The following TEX14 variants were observed in gnomAD, a reference collection of about 807,000 sequenced individuals.
TEX14 encodes the protein testis expressed 14, intercellular bridge forming factor, also known as inactive serine/threonine-protein kinase TEX14.
In TEX14, 168 loss-of-function variants were observed where a neutral mutation model predicts 178.6. The ratio of observed to expected loss-of-function variants is 0.94; its 90% CI spans 0.83 to 1.07. TEX14 has a LOEUF of 1.07. TEX14 is among the 50% of genes least tolerant of loss of function. The probability of loss-of-function intolerance (pLI) is 0.00; values close to 1 mark genes in which losing one functional copy is unlikely to be tolerated. For missense variants in TEX14, 1,730 were observed against 1,753.6 expected, an observed-to-expected ratio of 0.99 and a Z score of 0.24; for synonymous variants, 626 against 634.1, an observed-to-expected ratio of 0.99 and a Z score of 0.19.
At chr17:58,642,116 A>C (rs1241649920) in intron 2 of TEX14, among the ~76,000 whole-genome samples, 1 of 152,216 alleles carries the variant, frequency 6.6e-6, no homozygotes, top group African/African-American at 2.4e-5. Context: ...GAGGAAGCCT[A>C]CCCATTTACT....
intron 13 of TEX14, 62 bp from the exon 14 acceptor site, chr17:58,599,728 C>A: frequency 7.3e-7 from 1 of 1,372,466 alleles, no homozygotes; most frequent in Non-Finnish European, 1.0e-6. Context: ...GCTAAGCAGC[C>A]TTGGCTTGTT....
At position 58,643,874 on chromosome 17, in the gene TEX14, C is replaced by CAAAAAAAAAA. The variant is rs71143262; in HGVS notation, c.136+7982_136+7991dup. On this transcript the variant is annotated intron_variant, in intron 2 of 31. Coordinates refer to ENST00000349033, the MANE Select transcript of TEX14 (RefSeq NM_031272.5). ...TGGGCAACAGAGCAAGACTCTGTCT[C>CAAAAAAAAAA]AAAAAAAAAAAAAAAAAAAAAAAAA... Among the ~76,000 whole-genome samples the CAAAAAAAAAA allele has an allele frequency of 4.4e-4, 9 of 20,536 alleles. 1 individual carries two copies. Among genetic ancestry groups the CAAAAAAAAAA allele is most frequent in the African/African-American group, 1.2e-3 (6 of 5,122 alleles). The allele number at this position is 20,536 out of a possible 152,430, so 13.5% of individuals were successfully genotyped here. A position where few individuals can be genotyped will look rare whatever the true frequency, so the allele number is the denominator to read the frequency against.
chr17:58,577,658 G>T (rs2144383888), intron 20 of TEX14, among the ~76,000 whole-genome samples: 1 of 152,214 alleles, frequency 6.6e-6, no homozygotes, highest in African/African-American at 2.4e-5. Flanking sequence ...TATTTTCCTT[G>T]CTCAGAGCAC....
At chr17:58,663,323 GA>G (rs2047150784) in intron 1 of TEX14, among the ~76,000 whole-genome samples, 2 of 150,562 alleles carry the variant, frequency 1.3e-5, no homozygotes, top group African/African-American at 4.9e-5. Flanking sequence ...TTGGGAGGCT[GA>G]GGCAGGAGAA....
At chr17:58,677,952 C>A (rs2047421534) in intron 1 of TEX14, among the ~76,000 whole-genome samples, 1 of 152,224 alleles carries the variant, frequency 6.6e-6, no homozygotes, top group Non-Finnish European at 1.5e-5. Flanking sequence ...GAGTTCAAGA[C>A]CAGCCTGGCC....
chr17:58,644,730 C>T (rs148591897), intron 2 of TEX14, among the ~76,000 whole-genome samples: 4 of 149,800 alleles, frequency 2.7e-5, no homozygotes, highest in Non-Finnish European at 3.0e-5. Context: ...CAACCTCCGC[C>T]CCCCCTGGTT....
chr17:58,586,803 G>T lies in TEX14; in HGVS notation c.2789-721C>A, dbSNP rs80266322. Reference sequence around the variant, plus strand: ...TGTGTGGCACTTGCATGTTCTCCCCGCATCTGCATGGGTTTTTTCCAGGTA... The same window carrying T: ...TGTGTGGCACTTGCATGTTCTCCCCTCATCTGCATGGGTTTTTTCCAGGTA... On this transcript the variant is annotated intron_variant, in intron 17 of 31. Transcript: ENST00000349033. Among the ~76,000 whole-genome samples the T allele has an allele frequency of 6.4e-3, 973 of 151,404 alleles. 6 individuals are homozygous for T. Among genetic ancestry groups the T allele is most frequent in the African/African-American group, 0.022 (911 of 41,258 alleles).
rs570578593 is a variant in TEX14, at chr17:58,616,341, AG to A, written c.637-37del. ...GGCATAGCCTCAAATTATGGGGAGA[AG>A]GGGGGAAAAGCAGAATACATCCAGA... On this transcript the variant is annotated intron_variant, in intron 6 of 31. Transcript: ENST00000349033. The A allele has an allele frequency of 1.6e-5, 25 of 1,601,882 alleles. No homozygotes were observed. In the African/African-American group the frequency reaches 2.4e-4, roughly 15 times the overall value.
intron 2 of TEX14, among the ~76,000 whole-genome samples, chr17:58,641,719 C>T (rs114784721): frequency 0.024 from 3,590 of 152,152 alleles, 141 homozygotes; most frequent in African/African-American, 0.081. Context: ...GTTGGCCAAC[C>T]TGGTCTCTAT....
chr17:58,625,336 T>G (rs969012033), intron 3 of TEX14, among the ~76,000 whole-genome samples: 2 of 152,154 alleles, frequency 1.3e-5, no homozygotes, highest in African/African-American at 4.8e-5. Flanking sequence ...AGTTTCATCA[T>G]GTTGGCCAGG....
At chr17:58,630,627 G>T (rs879050861) in intron 2 of TEX14, 73 bp from the exon 3 acceptor site, 5 of 995,560 alleles carry the variant, frequency 5.0e-6, no homozygotes, top group Middle Eastern at 4.1e-4. Context: ...GGGGGTGGGG[G>T]AATTACATAT....
rs541044627 is a variant in TEX14 at position 58,572,058 on chromosome 17, C to G, written c.3580G>C (p.Glu1194Gln). The G allele has an allele frequency of 1.9e-6, 3 of 1,614,156 alleles. No homozygotes were observed. In the South Asian group the frequency reaches 3.3e-5, roughly 18 times the overall value. Residue 1194 changes from glutamate (E) to glutamine (Q), a missense_variant, in exon 24 of 32, where the codon GAG (glutamate) becomes CAG (glutamine). Transcript: ENST00000349033. ...LESITFQVKTEFASCWNSQEF... is the reference protein window; with the variant it reads ...LESITFQVKTQFASCWNSQEF... ...TGACTGTTCCAGCAAGAGGCAAACT[C>G]TGTCTTAACCTGAAATGTGATACTT...
intron 2 of TEX14, among the ~76,000 whole-genome samples, chr17:58,640,721 CTATT>C (rs1259303893): frequency 1.3e-5 from 2 of 151,100 alleles, no homozygotes; most frequent in African/African-American, 2.4e-5. Flanking sequence ...GACGTGGTGG[CTATT>C]TATTTACTTA....
chr17:58,591,572 C>G (rs1437371930), intron 15 of TEX14, among the ~76,000 whole-genome samples: 2 of 151,960 alleles, frequency 1.3e-5, no homozygotes, highest in Non-Finnish European at 2.9e-5. Flanking sequence ...TTCATTTTCC[C>G]TTACATACAT....
intron 10 of TEX14, among the ~76,000 whole-genome samples, chr17:58,605,825 CTTA>C (rs1043096279): frequency 1.3e-5 from 2 of 152,202 alleles, no homozygotes; most frequent in Non-Finnish European, 2.9e-5. Context: ...TTTCAGAGCA[CTTA>C]TTATCTGAAT....
At chr17:58,626,169 C>T (rs2046134949) in intron 3 of TEX14, among the ~76,000 whole-genome samples, 1 of 152,182 alleles carries the variant, frequency 6.6e-6, no homozygotes, top group African/African-American at 2.4e-5. Context: ...ATCCCTGACC[C>T]TCCTCAGAGA....
At chr17:58,583,973 C>CGCT (rs1407121419) in intron 19 of TEX14, among the ~76,000 whole-genome samples, 1 of 152,116 alleles carries the variant, frequency 6.6e-6, no homozygotes, top group Non-Finnish European at 1.5e-5. Flanking sequence ...AGTCTGGCTG[C>CGCT]GCTATGGCCT....
intron 28 of TEX14, among the ~76,000 whole-genome samples, chr17:58,561,833 C>G (rs1037903735): frequency 1.3e-5 from 2 of 152,194 alleles, no homozygotes; most frequent in Non-Finnish European, 2.9e-5. Flanking sequence ...CATCTGTAAT[C>G]CCAGCACTTT....
In TEX14 at chr17:58,583,319, T is replaced by C. The variant is rs918751096; in HGVS notation, c.3171+1181A>G. ...CTAACTTTTGTATCTTTTGTAGAGATGGGGTCTTGCCATGTTGCCAAGGCT... is the reference window on the plus strand; with the variant it reads ...CTAACTTTTGTATCTTTTGTAGAGACGGGGTCTTGCCATGTTGCCAAGGCT... On this transcript the variant is annotated intron_variant, in intron 19 of 31. Coordinates refer to ENST00000349033, the MANE Select transcript of TEX14 (RefSeq NM_031272.5). Among the ~76,000 whole-genome samples the C allele has an allele frequency of 2.6e-5, 4 of 151,994 alleles. No individual in the cohort carries two copies. In the East Asian group the frequency reaches 5.8e-4, roughly 22 times the overall value.
Sources: allele counts gnomAD v4.1 joint callset (sites outside exome capture counted in the v4.1 genomes callset), GRCh38; gene constraint gnomAD v4.1.1; transcripts MANE v1.5; gene names NCBI Gene and HGNC (gene_info 2026-07-23, HGNC 2026-07-21).